Variants in STXBP6 observed in about 807,000 individuals in gnomAD.
The protein encoded by STXBP6 is syntaxin binding protein 6.
In STXBP6, 21 loss-of-function variants were observed where a neutral mutation model predicts 26.9. That is an observed-to-expected ratio of 0.78 (90% confidence interval 0.55 to 1.12). The LOEUF is 1.12. STXBP6 is among the 50% of genes most tolerant of loss of function. The probability of loss-of-function intolerance (pLI) is 0.00; values close to 1 mark genes in which losing one functional copy is unlikely to be tolerated. For missense variants in STXBP6, 232 were observed against 257.9 expected (o/e 0.90, Z 0.69); for synonymous variants, 97 against 92.6 (o/e 1.05, Z -0.27).
intron 4 of STXBP6, among the ~76,000 whole-genome samples, chr14:24,839,872 T>G (rs985557416): frequency 2.6e-5 from 4 of 152,184 alleles, no homozygotes; most frequent in African/African-American, 9.7e-5. Flanking sequence ...TGAATCTGTG[T>G]TCTTAACCAC....
At chr14:25,045,491 C>A (rs1473122036) in intron 1 of STXBP6, among the ~76,000 whole-genome samples, 1 of 151,830 alleles carries the variant, frequency 6.6e-6, no homozygotes, top group Non-Finnish European at 1.5e-5. Context: ...GAATAAGGAA[C>A]TAACCTTGCT....
At chr14:24,880,452 C>T (rs527503987) in intron 2 of STXBP6, among the ~76,000 whole-genome samples, 4 of 152,186 alleles carry the variant, frequency 2.6e-5, no homozygotes, top group South Asian at 2.1e-4. Flanking sequence ...TCAGCCTCAA[C>T]GTGCATAGAG....
chr14:24,860,536 C>T (rs1322960519), intron 2 of STXBP6, among the ~76,000 whole-genome samples: 1 of 152,128 alleles, frequency 6.6e-6, no homozygotes, highest in Non-Finnish European at 1.5e-5. Flanking sequence ...ACAGCATAAT[C>T]CCTCAACTAT....
chr14:24,821,544 T>G (rs1199094068), intron 4 of STXBP6, among the ~76,000 whole-genome samples: 1 of 152,162 alleles, frequency 6.6e-6, no homozygotes, highest in Non-Finnish European at 1.5e-5. Context: ...AAATCCACCT[T>G]CAGTTATTTT....
At chr14:24,915,414 G>A (rs2071729769) in intron 2 of STXBP6, among the ~76,000 whole-genome samples, 1 of 152,046 alleles carries the variant, frequency 6.6e-6, no homozygotes, top group Non-Finnish European at 1.5e-5. Flanking sequence ...ATTACCATTG[G>A]CATTACTATT....
chr14:24,845,291 C>G (rs1029061528), intron 4 of STXBP6, among the ~76,000 whole-genome samples: 1 of 152,164 alleles, frequency 6.6e-6, no homozygotes, highest in Non-Finnish European at 1.5e-5. Context: ...GGATTACAGG[C>G]ATGAGCCACC....
intron 2 of STXBP6, among the ~76,000 whole-genome samples, chr14:24,925,089 CAA>C (rs1444516949): frequency 6.6e-6 from 1 of 152,218 alleles, no homozygotes; most frequent in African/African-American, 2.4e-5. Flanking sequence ...ACCTCACTTT[CAA>C]AATCTGTGAC....
intron 1 of STXBP6, among the ~76,000 whole-genome samples, chr14:25,024,396 T>C (rs1231013259): frequency 6.6e-6 from 1 of 152,134 alleles, no homozygotes; most frequent in Non-Finnish European, 1.5e-5. Flanking sequence ...ATCAGAAGCC[T>C]CACTTCACAG....
chr14:24,975,527 C>G (rs1376501373), intron 1 of STXBP6, among the ~76,000 whole-genome samples: 1 of 152,116 alleles, frequency 6.6e-6, no homozygotes, highest in African/African-American at 2.4e-5. Context: ...TTCCTTCAGC[C>G]AAAATGGATA....
intron 2 of STXBP6, among the ~76,000 whole-genome samples, chr14:24,868,328 T>C (rs1652640488): frequency 6.6e-6 from 1 of 151,958 alleles, no homozygotes; most frequent in Admixed American, 6.5e-5. Flanking sequence ...GGATGGAAAA[T>C]AAGCACATAA....
At chr14:24,992,874 G>A (rs2074510080) in intron 1 of STXBP6, among the ~76,000 whole-genome samples, 1 of 152,172 alleles carries the variant, frequency 6.6e-6, no homozygotes, top group African/African-American at 2.4e-5. Flanking sequence ...ACACTGAACA[G>A]TCAACTTTAG....
chr14:24,913,564 C>T (rs1056616275), intron 2 of STXBP6, among the ~76,000 whole-genome samples: 1 of 152,150 alleles, frequency 6.6e-6, no homozygotes, highest in Admixed American at 6.5e-5. Context: ...GAGAAGAAAA[C>T]ATCTGCAATC....
chr14:25,044,756 A>C (rs1408430455), intron 1 of STXBP6, among the ~76,000 whole-genome samples: 1 of 152,178 alleles, frequency 6.6e-6, no homozygotes, highest in Non-Finnish European at 1.5e-5. Context: ...AGGTTCTTTG[A>C]CCACCACCAC....
intron 2 of STXBP6, among the ~76,000 whole-genome samples, chr14:24,939,104 C>T (rs1218745939): frequency 6.6e-6 from 1 of 152,138 alleles, no homozygotes; most frequent in Non-Finnish European, 1.5e-5. Flanking sequence ...CATTTATTTG[C>T]TTTTGTCTGA....
intron 2 of STXBP6, among the ~76,000 whole-genome samples, chr14:24,930,789 C>A (rs2072355298): frequency 6.6e-6 from 1 of 152,064 alleles, no homozygotes; most frequent in Non-Finnish European, 1.5e-5. Flanking sequence ...TGGTAACCAT[C>A]ATTCTAAGCA....
Position 24,960,495 on chromosome 14 carries a change from C to T in STXBP6, c.154+14170G>A, listed in dbSNP as rs149051009. Among the ~76,000 whole-genome samples, 1,353 of 152,120 alleles carry T rather than the reference C, an allele frequency of 8.9e-3. 5 individuals are homozygous for T. The highest frequency in any genetic ancestry group is 0.013 in the Non-Finnish European group (891 of 67,998). ...TATATGAAACATGTAAGTTAGAAAA[C>T]AATTATATTTTAAATTTTAAATTGA... is the stretch of plus-strand genomic sequence containing the variant. On this transcript the variant is annotated intron_variant, in intron 2 of 5. Coordinates refer to ENST00000323944, the MANE Select transcript of STXBP6 (RefSeq NM_001394410.1).
chr14:25,041,073 G>A (rs1443995762), intron 1 of STXBP6, among the ~76,000 whole-genome samples: 1 of 152,188 alleles, frequency 6.6e-6, no homozygotes, highest in African/African-American at 2.4e-5. Context: ...TGTAATCCCA[G>A]CACTTTGGGA....
intron 2 of STXBP6, among the ~76,000 whole-genome samples, chr14:24,956,766 C>A (rs1483593689): frequency 6.6e-6 from 1 of 152,100 alleles, no homozygotes; most frequent in Non-Finnish European, 1.5e-5. Context: ...ACCGACCACG[C>A]CTTCAACACC....
At chr14:24,907,636 G>T (rs1181994184) in intron 2 of STXBP6, among the ~76,000 whole-genome samples, 1 of 151,660 alleles carries the variant, frequency 6.6e-6, no homozygotes, top group Non-Finnish European at 1.5e-5. Context: ...AATTTCTTAA[G>T]AATAAAAATA....
Sources: allele counts gnomAD v4.1 joint callset (sites outside exome capture counted in the v4.1 genomes callset), GRCh38; gene constraint gnomAD v4.1.1; transcripts MANE v1.5; gene names NCBI Gene and HGNC (gene_info 2026-07-23, HGNC 2026-07-21).